The following KIAA1958 variants were observed in gnomAD, a reference collection of about 807,000 sequenced individuals.
KIAA1958 encodes the protein uncharacterized protein KIAA1958.
A neutral mutation model predicts 47.2 loss-of-function variants in KIAA1958; 14 were observed. The observed-to-expected ratio is 0.30, with a 90% confidence interval of 0.20 to 0.46. The LOEUF (loss-of-function observed/expected upper bound fraction) is 0.46. Ranked by LOEUF, KIAA1958 falls within the 20% of genes least tolerant of loss-of-function variation. The probability of loss-of-function intolerance (pLI) is 1.00; values close to 1 mark genes in which losing one functional copy is unlikely to be tolerated. For synonymous variants in KIAA1958, 354 were observed against 353.3 expected (o/e 1.00, Z -0.02); for missense variants, 803 against 909.2 (o/e 0.88, Z 1.50).
At chr9:112,520,779 C>T (rs1834525768) in intron 1 of KIAA1958, among the ~76,000 whole-genome samples, 1 of 152,104 alleles carries the variant, frequency 6.6e-6, no homozygotes, top group Non-Finnish European at 1.5e-5. Flanking sequence ...TACTGATGTC[C>T]TGAGTTTTCC....
At chr9:112,512,985 C>A (rs1350699801) in intron 1 of KIAA1958, among the ~76,000 whole-genome samples, 1 of 145,842 alleles carries the variant, frequency 6.9e-6, no homozygotes. Context: ...TTACAGGCGC[C>A]CGCCACCATG....
At position 112,529,414 on chromosome 9, in the gene KIAA1958, C is replaced by A. The variant is rs116631963; in HGVS notation, c.-25+42296C>A. Among the ~76,000 whole-genome samples the A allele has an allele frequency of 3.7e-3, 562 of 152,174 alleles. 3 individuals are homozygous for A. Among genetic ancestry groups the A allele is most frequent in the African/African-American group, 0.013 (528 of 41,510 alleles). On this transcript the variant is annotated intron_variant, in intron 1 of 3. Transcript: ENST00000337530. The stretch of plus-strand genomic sequence containing the variant: ...TTTTTATTTAGGGTCCTTTTTCTGT[C>A]CAGGACCCCATCCACAATACCACGT...
chr9:112,516,753 TAAAG>T (rs1007537564), intron 1 of KIAA1958, among the ~76,000 whole-genome samples: 4 of 152,198 alleles, frequency 2.6e-5, no homozygotes, highest in African/African-American at 4.8e-5. Flanking sequence ...GAATTGTTGT[TAAAG>T]AAAAAACCTT....
At chr9:112,491,342 T>A (rs10981424) in intron 1 of KIAA1958, among the ~76,000 whole-genome samples, 14,457 of 152,248 alleles carry the variant, frequency 0.095, 896 homozygotes, top group Middle Eastern at 0.18. Flanking sequence ...TACCATAAAA[T>A]GCTGAATTTC....
intron 1 of KIAA1958, among the ~76,000 whole-genome samples, chr9:112,556,229 C>T (rs746637168): frequency 5.5e-4 from 84 of 152,304 alleles, no homozygotes; most frequent in Non-Finnish European, 9.4e-4. Flanking sequence ...AGCTGGCTGT[C>T]AATTTCTGTC....
At chr9:112,598,783 T>C (rs1056340915) in intron 2 of KIAA1958, among the ~76,000 whole-genome samples, 5 of 152,132 alleles carry the variant, frequency 3.3e-5, no homozygotes, top group African/African-American at 1.2e-4. Context: ...AAGAGTACTA[T>C]TTTTAGGCCA....
At chr9:112,537,760 G>A (rs1834880400) in intron 1 of KIAA1958, among the ~76,000 whole-genome samples, 1 of 152,162 alleles carries the variant, frequency 6.6e-6, no homozygotes, top group African/African-American at 2.4e-5. Flanking sequence ...ATCTATCGCT[G>A]TATCCAGGCC....
chr9:112,658,187 T>C (rs1049590931), intron 3 of KIAA1958, among the ~76,000 whole-genome samples: 9 of 152,214 alleles, frequency 5.9e-5, no homozygotes, highest in Admixed American at 5.9e-4. Context: ...ACAACTGATA[T>C]TGAAAACCTG....
chr9:112,611,891 A>G lies in KIAA1958; in HGVS notation c.1172-33759A>G, dbSNP rs1412033873. Among the ~76,000 whole-genome samples the G allele has an allele frequency of 4.6e-5, 7 of 152,204 alleles. No individual in the cohort carries two copies. The South Asian group carries it at 1.0e-3, about 23-fold the overall frequency. ...TATACTTTGCCCTAATAAGGATACT[A>G]GTTAATGGAATAGAATTAAAGATTC... is the stretch of plus-strand genomic sequence containing the variant. On this transcript the variant is annotated intron_variant, in intron 2 of 3. Coordinates refer to ENST00000337530, the MANE Select transcript of KIAA1958 (RefSeq NM_133465.4).
chr9:112,546,008 C>T (rs959951202), intron 1 of KIAA1958, among the ~76,000 whole-genome samples: 1 of 151,504 alleles, frequency 6.6e-6, no homozygotes, highest in African/African-American at 2.4e-5. Context: ...CTTGAGTTAG[C>T]TAAATTTATA....
intron 1 of KIAA1958, among the ~76,000 whole-genome samples, chr9:112,559,790 T>C (rs1835296202): frequency 6.6e-6 from 1 of 152,230 alleles, no homozygotes; most frequent in African/African-American, 2.4e-5. Flanking sequence ...AGATTTTCTA[T>C]TTACTATACT....
intron 1 of KIAA1958, among the ~76,000 whole-genome samples, chr9:112,559,788 T>G (rs1205156071): frequency 6.6e-6 from 1 of 152,252 alleles, no homozygotes; most frequent in African/African-American, 2.4e-5. Flanking sequence ...TCAGATTTTC[T>G]ATTTACTATA....
At chr9:112,598,851 A>C (rs1419579188) in intron 2 of KIAA1958, among the ~76,000 whole-genome samples, 1 of 152,056 alleles carries the variant, frequency 6.6e-6, no homozygotes, top group Non-Finnish European at 1.5e-5. Context: ...CCTGGGTGGG[A>C]GGATCGCTTG....
chr9:112,539,753 C>T (rs553933301), intron 1 of KIAA1958, among the ~76,000 whole-genome samples: 12 of 152,200 alleles, frequency 7.9e-5, no homozygotes, highest in African/African-American at 2.2e-4. Flanking sequence ...TGCAGTGGCA[C>T]GATCTTGGCT....
At chr9:112,527,408 G>C (rs1403070462) in intron 1 of KIAA1958, among the ~76,000 whole-genome samples, 1 of 152,160 alleles carries the variant, frequency 6.6e-6, no homozygotes, top group Non-Finnish European at 1.5e-5. Flanking sequence ...TTAAGGAATT[G>C]AAAGAAAAGC....
chr9:112,601,466 G>A (rs1836130212), intron 2 of KIAA1958, among the ~76,000 whole-genome samples: 1 of 152,100 alleles, frequency 6.6e-6, no homozygotes, highest in Non-Finnish European at 1.5e-5. Flanking sequence ...CTCAAAGTGT[G>A]GCTTAGTAGA....
intron 1 of KIAA1958, among the ~76,000 whole-genome samples, chr9:112,494,793 C>T (rs1378733350): frequency 2.0e-5 from 3 of 151,986 alleles, no homozygotes; most frequent in Non-Finnish European, 4.4e-5. Flanking sequence ...GTTTAGTGTT[C>T]TTTTTAGTTT....
At chr9:112,543,229 G>T (rs1162480538) in intron 1 of KIAA1958, among the ~76,000 whole-genome samples, 3 of 151,326 alleles carry the variant, frequency 2.0e-5, no homozygotes, top group African/African-American at 4.9e-5. Flanking sequence ...TGTTGTTGTT[G>T]TTTGTTTGTT....
chr9:112,571,405 A>G (rs1054117426), intron 1 of KIAA1958, among the ~76,000 whole-genome samples: 8 of 152,202 alleles, frequency 5.3e-5, no homozygotes, highest in Non-Finnish European at 1.2e-4. Flanking sequence ...TCGGGATTTC[A>G]ACATTTGGAA....
Sources: gnomAD v4.1 joint callset for allele counts (sites outside exome capture counted in the v4.1 genomes callset) on GRCh38, gnomAD v4.1.1 for gene constraint, MANE v1.5 for transcripts, NCBI Gene and HGNC (gene_info 2026-07-23, HGNC 2026-07-21) for gene names.